Variants in NUGGC observed in about 807,000 individuals in gnomAD.
NUGGC encodes the protein nuclear GTPase SLIP-GC.
In NUGGC, 58 loss-of-function variants were observed where a neutral mutation model predicts 92.6. The observed-to-expected ratio is 0.63, with a 90% confidence interval of 0.51 to 0.78. The LOEUF (loss-of-function observed/expected upper bound fraction) is 0.78. Ranked by LOEUF, NUGGC falls within the 30% of genes least tolerant of loss-of-function variation. NUGGC has a pLI of 0.00. For synonymous variants in NUGGC, 376 were observed against 366.4 expected (o/e 1.03, Z -0.30); for missense variants, 925 against 964.6 (o/e 0.96, Z 0.54).
intron 9 of NUGGC, among the ~76,000 whole-genome samples, chr8:28,056,552 A>G (rs1331031953): frequency 1.3e-5 from 2 of 152,114 alleles, no homozygotes; most frequent in Non-Finnish European, 2.9e-5. Flanking sequence ...TTATACGTGG[A>G]TTCTTTTTCA....
chr8:28,056,348 C>T (rs1374299148), intron 9 of NUGGC, among the ~76,000 whole-genome samples: 6 of 151,698 alleles, frequency 4.0e-5, no homozygotes, highest in African/African-American at 9.7e-5. Context: ...CGTGGCGGCA[C>T]GTGCCTGTAG....
At chr8:28,062,878 G>A (rs1810340530) in intron 7 of NUGGC, among the ~76,000 whole-genome samples, 1 of 152,204 alleles carries the variant, frequency 6.6e-6, no homozygotes. Flanking sequence ...CACTGCCAGG[G>A]TTTGGTAAAG....
Position 28,067,822 on chromosome 8 carries a change from C to G in NUGGC, c.481-78G>C, listed in dbSNP as rs919198546. ...CGACAAACAGAGGGGCCCATTGCCC[C>G]CTGTGGAGGGCCAGGGGGCTGCATA... is the stretch of plus-strand genomic sequence containing the variant. On this transcript the variant is annotated intron_variant, in intron 5 of 18. Coordinates refer to ENST00000413272, the MANE Select transcript of NUGGC (RefSeq NM_001010906.2). 5 of 1,125,434 alleles carry G rather than the reference C, an allele frequency of 4.4e-6. No homozygotes were observed. In the African/African-American group the frequency reaches 7.8e-5, roughly 17 times the overall value. The allele number at this position is 1,125,434 out of a possible 1,614,324, so 69.7% of individuals were successfully genotyped here. A position where few individuals can be genotyped will look rare whatever the true frequency, so the allele number is the denominator to read the frequency against.
chr8:28,082,435 A>G (rs982487154), intron 1 of NUGGC, among the ~76,000 whole-genome samples: 1 of 152,240 alleles, frequency 6.6e-6, no homozygotes, highest in Admixed American at 6.5e-5. Flanking sequence ...GCATAAGATG[A>G]CACTTCCCTC....
Position 28,022,537 on chromosome 8 carries a change from T to C in NUGGC, c.*780A>G, listed in dbSNP as rs1364923540. ...CCATTAGGTATTGAAGATGACTCTTTGGGGCTATAAAATAAAATGCAGTAA... is the reference window on the plus strand; with the variant it reads ...CCATTAGGTATTGAAGATGACTCTTCGGGGCTATAAAATAAAATGCAGTAA... On this transcript the variant is annotated 3_prime_UTR_variant, in exon 19 of 19. Transcript: ENST00000413272. The C allele has an allele frequency of 3.3e-5, 5 of 152,194 alleles. No individual in the cohort carries two copies. The highest frequency in any genetic ancestry group is 7.2e-5 in the African/African-American group (3 of 41,446). 9.4% of individuals were successfully genotyped at this position (152,194 alleles called of 1,614,324 possible). A position where few individuals can be genotyped will look rare whatever the true frequency, so the allele number is the denominator to read the frequency against.
At chr8:28,053,778 G>A (rs1810065881) in intron 10 of NUGGC, among the ~76,000 whole-genome samples, 1 of 152,130 alleles carries the variant, frequency 6.6e-6, no homozygotes, top group African/African-American at 2.4e-5. Context: ...ATATGATCAG[G>A]CACTCATACA....
At chr8:28,038,064 C>CA (rs1310755026) in intron 13 of NUGGC, among the ~76,000 whole-genome samples, 1 of 152,172 alleles carries the variant, frequency 6.6e-6, no homozygotes, top group Non-Finnish European at 1.5e-5. Context: ...CCCATGGAGG[C>CA]ACTGGATTCA....
In NUGGC at chr8:28,046,680, A is replaced by ATT. The variant is rs4054869; in HGVS notation, c.1312+825_1312+826dup. Among the ~76,000 whole-genome samples, 1,045 of 139,602 alleles carry ATT rather than the reference A, an allele frequency of 7.5e-3. 16 individuals carry two copies. Among genetic ancestry groups the ATT allele is most frequent in the Middle Eastern group, 0.019 (5 of 268 alleles). 91.6% of individuals were successfully genotyped at this position (139,602 alleles called of 152,430 possible). ...AGGGGACTAAGGAAATGATAACCCA[A>ATT]TTTTTTTTTTTTTTTTTGAGACGAA... On this transcript the variant is annotated intron_variant, in intron 11 of 18. Transcript: ENST00000413272.
intron 13 of NUGGC, among the ~76,000 whole-genome samples, chr8:28,034,452 T>G (rs1809503592): frequency 6.6e-6 from 1 of 152,224 alleles, no homozygotes; most frequent in Non-Finnish European, 1.5e-5. Context: ...GTACAATTGG[T>G]ATAATTCTCT....
rs375520230 is a variant in NUGGC at position 28,031,238 on chromosome 8, C to T, written c.1908+5G>A. On this transcript the variant is annotated splice_donor_5th_base_variant and intron_variant, in intron 15 of 18. Coordinates refer to ENST00000413272, the MANE Select transcript of NUGGC (RefSeq NM_001010906.2). ...ACTGCTCTCCTCACTTTATAAGGAA[C>T]GTACCTCCTGGATCAGGAAATTTTT... 2.2e-5 allele frequency: 35 copies of T among 1,613,852 alleles called. No individual in the cohort carries two copies. In the African/African-American group the frequency reaches 3.2e-4, roughly 15 times the overall value.
At chr8:28,037,617 C>T (rs1459082381) in intron 13 of NUGGC, among the ~76,000 whole-genome samples, 2 of 152,210 alleles carry the variant, frequency 1.3e-5, no homozygotes, top group African/African-American at 2.4e-5. Context: ...GGATGGGACA[C>T]ACACACAGGC....
chr8:28,074,132 C>T (rs1810661263), intron 2 of NUGGC, among the ~76,000 whole-genome samples: 2 of 151,360 alleles, frequency 1.3e-5, no homozygotes, highest in Non-Finnish European at 2.9e-5. Flanking sequence ...AGGAAAAAGC[C>T]GCACTTATTT....
chr8:28,061,788 T>C (rs1810312198), intron 7 of NUGGC, among the ~76,000 whole-genome samples: 1 of 152,040 alleles, frequency 6.6e-6, no homozygotes, highest in Non-Finnish European at 1.5e-5. Flanking sequence ...GTGACAACCT[T>C]GGGGGGGTAC....
At chr8:28,033,245 G>C (rs1809468017) in intron 14 of NUGGC, among the ~76,000 whole-genome samples, 1 of 152,174 alleles carries the variant, frequency 6.6e-6, no homozygotes. Context: ...ACCCTGTCCT[G>C]GGCTCAGATC....
chr8:28,040,468 G>C (rs1394009357), intron 13 of NUGGC, among the ~76,000 whole-genome samples: 1 of 152,084 alleles, frequency 6.6e-6, no homozygotes, highest in Non-Finnish European at 1.5e-5. Context: ...GGGGCTACAA[G>C]GTGGATGTTT....
chr8:28,066,102 G>A (rs1810435689), intron 6 of NUGGC, among the ~76,000 whole-genome samples: 2 of 152,334 alleles, frequency 1.3e-5, no homozygotes, highest in South Asian at 4.1e-4. Flanking sequence ...TTATGACGCT[G>A]GGAAGGAGTA....
chr8:28,028,721 T>C (rs1374471816), intron 17 of NUGGC, among the ~76,000 whole-genome samples: 1 of 152,232 alleles, frequency 6.6e-6, no homozygotes, highest in Non-Finnish European at 1.5e-5. Context: ...AGGAACTGTC[T>C]TCGGGGGTAG....
At chr8:28,027,590 T>C (rs1809300282) in intron 17 of NUGGC, among the ~76,000 whole-genome samples, 1 of 152,234 alleles carries the variant, frequency 6.6e-6, no homozygotes, top group Non-Finnish European at 1.5e-5. Flanking sequence ...CCCTCTTCTG[T>C]TTCTGCCTCC....
chr8:28,064,268 C>G (rs1205341764), intron 7 of NUGGC, among the ~76,000 whole-genome samples: 2 of 152,220 alleles, frequency 1.3e-5, no homozygotes, highest in Non-Finnish European at 2.9e-5. Flanking sequence ...TTAAGCCACT[C>G]TATTGCTGGT....
Sources: gnomAD v4.1 joint callset for allele counts (sites outside exome capture counted in the v4.1 genomes callset) on GRCh38, gnomAD v4.1.1 for gene constraint, MANE v1.5 for transcripts, NCBI Gene and HGNC (gene_info 2026-07-23, HGNC 2026-07-21) for gene names.